The following SRP72 variants were observed in gnomAD, a reference collection of about 807,000 sequenced individuals.
The protein encoded by SRP72 is signal recognition particle 72, also known as signal recognition particle subunit SRP72.
Under a neutral mutation model 96.3 loss-of-function variants are expected in SRP72, and 49 were observed. The ratio of observed to expected loss-of-function variants is 0.51; its 90% CI spans 0.40 to 0.65. The LOEUF (loss-of-function observed/expected upper bound fraction) is 0.65. Among genes scored for constraint, SRP72 ranks in the 30% least tolerant of loss-of-function variants. SRP72 has a pLI of 0.00. For missense variants in SRP72, 736 were observed against 793.3 expected (o/e 0.93, Z 0.87); for synonymous variants, 267 against 275.2 (o/e 0.97, Z 0.30).
chr4:56,485,869 A>G (rs1394895224), intron 10 of SRP72, among the ~76,000 whole-genome samples: 1 of 152,198 alleles, frequency 6.6e-6, no homozygotes, highest in Non-Finnish European at 1.5e-5. Context: ...TACAAACTTT[A>G]AAAATCATTA....
intron 8 of SRP72, among the ~76,000 whole-genome samples, chr4:56,480,796 C>T (rs139695662): frequency 4.6e-5 from 7 of 152,016 alleles, no homozygotes; most frequent in African/African-American, 7.2e-5. Flanking sequence ...ATTTTTTGTC[C>T]GTATACTTTA....
intron 16 of SRP72, 68 bp downstream of exon 16, chr4:56,491,636 C>T (rs967504414): frequency 6.8e-7 from 1 of 1,463,192 alleles, no homozygotes; most frequent in Non-Finnish European, 9.4e-7. Flanking sequence ...AAAATACATT[C>T]TCATAGAAAT....
chr4:56,476,888 C>G, intron 6 of SRP72, 186 bp downstream of exon 6: 1 of 587,212 alleles, frequency 1.7e-6, no homozygotes, highest in South Asian at 2.5e-5. Context: ...AATCACAATA[C>G]AAAAAATTTT....
chr4:56,471,014 C>T (rs1719952861), intron 2 of SRP72, among the ~76,000 whole-genome samples: 1 of 152,100 alleles, frequency 6.6e-6, no homozygotes, highest in Admixed American at 6.6e-5. Context: ...GTTGGCCAGG[C>T]TGGTCTTGAA....
rs924228711 is a variant in SRP72, at chr4:56,478,783, A to G, written c.825+134A>G. On this transcript the variant is annotated intron_variant, in intron 8 of 18. Transcript: ENST00000642900. ...AAAGTCCAGTTGTAGCAAAATCACA[A>G]TGGATAGTATTACTTAACTCTCCTA... 1.7e-5 allele frequency: 13 copies of G among 774,958 alleles called. No individual in the cohort carries two copies. The African/African-American group carries it at 1.9e-4, about 12-fold the overall frequency. The allele number at this position is 774,958 out of a possible 1,614,324, so 48.0% of individuals were successfully genotyped here.
chr4:56,477,126 A>G (rs1720258450), intron 6 of SRP72: 1 of 125,842 alleles, frequency 7.9e-6, no homozygotes, highest in South Asian at 2.6e-4. Context: ...TAGAGTCCTT[A>G]TGTTTTTTTT....
chr4:56,486,159 G>A (rs558266367), intron 10 of SRP72, 166 bp from the exon 11 acceptor site: 7 of 517,404 alleles, frequency 1.4e-5, no homozygotes, highest in African/African-American at 1.2e-4. Flanking sequence ...AAGAAAAAAA[G>A]TGAGTGTTGA....
chr4:56,501,658 G>T, intron 18 of SRP72, 26 bp from the exon 19 acceptor site: 2 of 1,606,752 alleles, frequency 1.2e-6, no homozygotes, highest in South Asian at 2.2e-5. Flanking sequence ...ATATATGAGT[G>T]ACCAAAAATG....
intron 18 of SRP72, among the ~76,000 whole-genome samples, chr4:56,501,107 A>G (rs1344318299): frequency 6.6e-6 from 1 of 152,154 alleles, no homozygotes; most frequent in Admixed American, 6.6e-5. Flanking sequence ...ATGACAGGTT[A>G]TTTTAAAAAA....
At chr4:56,496,149 T>C (rs1336135477) in intron 17 of SRP72, among the ~76,000 whole-genome samples, 1 of 152,196 alleles carries the variant, frequency 6.6e-6, no homozygotes, top group African/African-American at 2.4e-5. Flanking sequence ...TGATTTTACC[T>C]AGTCAGATGT....
intron 2 of SRP72, among the ~76,000 whole-genome samples, chr4:56,470,123 A>G (rs1440785748): frequency 6.6e-6 from 1 of 152,116 alleles, no homozygotes; most frequent in African/African-American, 2.4e-5. Context: ...GGCTCCAAAA[A>G]AATATGTATT....
intron 16 of SRP72, among the ~76,000 whole-genome samples, chr4:56,494,522 G>C (rs1447821322): frequency 6.6e-6 from 1 of 151,220 alleles, no homozygotes; most frequent in Non-Finnish European, 1.5e-5. Flanking sequence ...TCCTGCCTCA[G>C]CCTCCCAAGT....
rs544286918 is a variant in SRP72, at chr4:56,482,812, T to C, written c.826-327T>C. On this transcript the variant is annotated intron_variant, in intron 8 of 18. Coordinates refer to ENST00000642900, the MANE Select transcript of SRP72 (RefSeq NM_006947.4). ...ATTAATAGTGGAAAAATAAAACAAA[T>C]CTTGTTCTCCATTTCTTTAAAGCAG... 1.3e-3 allele frequency among the ~76,000 whole-genome samples: 197 copies of C among 152,282 alleles called. 1 individual carries two copies. Among genetic ancestry groups the C allele is most frequent in the Non-Finnish European group, 2.4e-3 (165 of 68,018 alleles).
At chr4:56,471,695 A>G in intron 2 of SRP72, 25 bp from the exon 3 acceptor site, 2 of 1,611,022 alleles carry the variant, frequency 1.2e-6, no homozygotes, top group South Asian at 2.2e-5. Flanking sequence ...TAATAATCAG[A>G]TACTGTTTTT....
In SRP72 at chr4:56,490,622, T is replaced by C; in HGVS notation, c.1479T>C (p.Leu493=). ...TLAQLISAYS[L]VDPEKAKALS... ...CACAGCTTATTTCTGCTTACTCACT[T>C]GTAGATCCAGAGAAAGCCAAAGCGT... The change falls in exon 15 of 19, where the codon CTT becomes CTC. Residue 493 remains leucine, a synonymous_variant. Transcript: ENST00000642900. 2 of 1,613,974 alleles carry C rather than the reference T, an allele frequency of 1.2e-6. No individual in the cohort carries two copies. The highest frequency in any genetic ancestry group is 1.7e-6 in the Non-Finnish European group (2 of 1,179,920).
At chr4:56,477,537 C>T (rs966778080) in intron 6 of SRP72, among the ~76,000 whole-genome samples, 2 of 152,008 alleles carry the variant, frequency 1.3e-5, no homozygotes, top group Non-Finnish European at 2.9e-5. Flanking sequence ...AAGCGACCCT[C>T]CCACCTCAGC....
chr4:56,483,262 A>G lies in SRP72; in HGVS notation c.949A>G (p.Thr317Ala), dbSNP rs187131645. Residue 317 changes from threonine (T) to alanine (A), a missense_variant, in exon 9 of 19, where the codon ACA becomes GCA. Thr to Ala is a moderately conservative substitution (Grantham distance 58, BLOSUM62 0). This residue lies in a region of SRP72 where 388 missense variants were observed against 431.8 expected (regional missense o/e 0.90). Coordinates refer to ENST00000642900, the MANE Select transcript of SRP72 (RefSeq NM_006947.4). Reference protein sequence around the residue: ...EFNKALLAMYTNQAEQCRKIS... With the variant: ...EFNKALLAMYANQAEQCRKIS... ...TAACAAAGCTTTACTTGCTATGTAC[A>G]CAAACCAGGTGGGTAATTACCTTTG... 6 of 1,612,810 alleles carry G rather than the reference A, an allele frequency of 3.7e-6. No homozygotes were observed. Among genetic ancestry groups the G allele is most frequent in the Non-Finnish European group, 5.1e-6 (6 of 1,179,582 alleles).
At chr4:56,482,447 C>CA (rs112046315) in intron 8 of SRP72, among the ~76,000 whole-genome samples, 41 of 142,082 alleles carry the variant, frequency 2.9e-4, no homozygotes, top group South Asian at 8.9e-4. Flanking sequence ...GACTCCATCT[C>CA]AAAAAAAAAA....
chr4:56,473,763 C>G (rs1720084824), intron 3 of SRP72, among the ~76,000 whole-genome samples: 1 of 149,504 alleles, frequency 6.7e-6, no homozygotes, highest in Non-Finnish European at 1.5e-5. Flanking sequence ...GAAACTCCGT[C>G]TCAAAAAAAA....
Sources: gnomAD v4.1 joint callset for allele counts (sites outside exome capture counted in the v4.1 genomes callset) on GRCh38, gnomAD v4.1.1 for gene constraint, gnomAD v4.1.1 regional missense constraint, MANE v1.5 for transcripts, NCBI Gene and HGNC (gene_info 2026-07-23, HGNC 2026-07-21) for gene names.